The following MARCHF11 variants were observed in gnomAD, a reference collection of about 807,000 sequenced individuals.
MARCHF11 encodes membrane associated ring-CH-type finger 11, also known as E3 ubiquitin-protein ligase MARCHF11.
A neutral mutation model predicts 37.3 loss-of-function variants in MARCHF11; 29 were observed. The ratio of observed to expected loss-of-function variants is 0.78; its 90% confidence interval spans 0.58 to 1.06. MARCHF11 has a LOEUF of 1.06. MARCHF11 is among the 50% of genes least tolerant of loss of function. The probability of loss-of-function intolerance (pLI) is 0.00; values close to 1 mark genes in which losing one functional copy is unlikely to be tolerated. For synonymous variants in MARCHF11, 233 were observed against 228.0 expected, an observed-to-expected ratio of 1.02 and a Z score of -0.20; for missense variants, 482 against 533.4, an observed-to-expected ratio of 0.90 and a Z score of 0.95.
intron 3 of MARCHF11, among the ~76,000 whole-genome samples, chr5:16,082,207 A>C (rs1409768487): frequency 6.6e-6 from 1 of 152,050 alleles, no homozygotes; most frequent in Non-Finnish European, 1.5e-5. Flanking sequence ...CGAGGCAGGG[A>C]CTCCTGTTGG....
At chr5:16,128,838 T>C (rs969407293) in intron 2 of MARCHF11, among the ~76,000 whole-genome samples, 2 of 152,180 alleles carry the variant, frequency 1.3e-5, no homozygotes, top group Non-Finnish European at 2.9e-5. Flanking sequence ...TATTCAAAAA[T>C]TTAGAAGAAA....
chr5:16,112,552 T>C (rs765450229), intron 2 of MARCHF11, among the ~76,000 whole-genome samples: 54 of 152,328 alleles, frequency 3.5e-4, no homozygotes, highest in Admixed American at 7.2e-4. Flanking sequence ...AGTAACTAAC[T>C]AGCTTTTGAT....
At chr5:16,165,163 CT>C (rs1240192692) in intron 2 of MARCHF11, among the ~76,000 whole-genome samples, 1 of 152,060 alleles carries the variant, frequency 6.6e-6, no homozygotes, top group Non-Finnish European at 1.5e-5. Context: ...CATCATCAAC[CT>C]TTAGGTCTAA....
At chr5:16,113,036 C>A (rs902409970) in intron 2 of MARCHF11, among the ~76,000 whole-genome samples, 1 of 152,102 alleles carries the variant, frequency 6.6e-6, no homozygotes, top group Middle Eastern at 3.2e-3. Flanking sequence ...TGAAAACAGA[C>A]TAATACGTAA....
At chr5:16,094,537 A>G (rs1736834993) in intron 2 of MARCHF11, among the ~76,000 whole-genome samples, 1 of 151,884 alleles carries the variant, frequency 6.6e-6, no homozygotes, top group African/African-American at 2.4e-5. Flanking sequence ...GTGTGTGCGC[A>G]TGTGTGTGTG....
intron 2 of MARCHF11, among the ~76,000 whole-genome samples, chr5:16,105,648 C>T (rs997075791): frequency 2.0e-5 from 3 of 152,190 alleles, no homozygotes; most frequent in Non-Finnish European, 4.4e-5. Flanking sequence ...ATCCCCCAGT[C>T]ACCTCAAGCC....
intron 2 of MARCHF11, among the ~76,000 whole-genome samples, chr5:16,115,857 C>T (rs4702124): frequency 0.21 from 32,436 of 151,992 alleles, 3,716 homozygotes; most frequent in South Asian, 0.3. Context: ...AAACTCCTGA[C>T]CTCAGGTGAT....
At chr5:16,104,673 T>C (rs866399622) in intron 2 of MARCHF11, among the ~76,000 whole-genome samples, 3 of 144,958 alleles carry the variant, frequency 2.1e-5, no homozygotes, top group African/African-American at 5.3e-5. Flanking sequence ...AGGAAGGCCA[T>C]TTACCTCAAA....
chr5:16,069,303 A>G (rs1277076469), intron 3 of MARCHF11, among the ~76,000 whole-genome samples: 2 of 152,232 alleles, frequency 1.3e-5, no homozygotes, highest in African/African-American at 4.8e-5. Context: ...TATATATGGT[A>G]GACATATAAA....
At chr5:16,090,776 A>G in intron 3 of MARCHF11, 113 bp downstream of exon 3, 1 of 780,474 alleles carries the variant, frequency 1.3e-6, no homozygotes, top group East Asian at 3.2e-5. Context: ...TTAACAGGAG[A>G]ACTGAGATAA....
In MARCHF11 at chr5:16,067,450, C is replaced by T; in HGVS notation, c.*21G>A. The T allele has an allele frequency of 6.2e-7, 1 of 1,605,674 alleles. No individual in the cohort carries two copies. Among genetic ancestry groups the T allele is most frequent in the Non-Finnish European group, 8.5e-7 (1 of 1,173,536 alleles). Reference sequence around the variant, plus strand: ...TGCAAAATGTGCAGGGTGGTCCACACTGCATCATCTTATGCTTTTGTCACA... The same window carrying T: ...TGCAAAATGTGCAGGGTGGTCCACATTGCATCATCTTATGCTTTTGTCACA... On this transcript the variant is annotated 3_prime_UTR_variant, in exon 4 of 4. Coordinates refer to ENST00000332432, the MANE Select transcript of MARCHF11 (RefSeq NM_001102562.3).
chr5:16,124,824 A>T (rs1737375226), intron 2 of MARCHF11, among the ~76,000 whole-genome samples: 1 of 151,418 alleles, frequency 6.6e-6, no homozygotes, highest in African/African-American at 2.4e-5. Flanking sequence ...AATTTGTATC[A>T]TTAGTTTATA....
chr5:16,074,938 G>T (rs1336416651), intron 3 of MARCHF11, among the ~76,000 whole-genome samples: 1 of 152,180 alleles, frequency 6.6e-6, no homozygotes, highest in Non-Finnish European at 1.5e-5. Context: ...TCTGCTTCAT[G>T]AAGTCTGCAG....
rs751166612 is a variant in MARCHF11 at position 16,067,457 on chromosome 5, A to T, written c.*14T>A. On this transcript the variant is annotated 3_prime_UTR_variant, in exon 4 of 4. Transcript: ENST00000332432. ...TGTGCAGGGTGGTCCACACTGCATC[A>T]TCTTATGCTTTTGTCACACTGAAGT... is the stretch of plus-strand genomic sequence containing the variant. The T allele has an allele frequency of 1.6e-5, 25 of 1,610,000 alleles. No homozygotes were observed. The highest frequency in any genetic ancestry group is 2.0e-5 in the Non-Finnish European group (24 of 1,176,802).
chr5:16,081,732 A>G (rs533233523), intron 3 of MARCHF11, among the ~76,000 whole-genome samples: 7 of 152,174 alleles, frequency 4.6e-5, no homozygotes, highest in Non-Finnish European at 1.0e-4. Flanking sequence ...CAACAATAAC[A>G]TATTTGGTCT....
intron 2 of MARCHF11, among the ~76,000 whole-genome samples, chr5:16,105,599 C>T (rs796651794): frequency 3.9e-5 from 6 of 152,108 alleles, no homozygotes; most frequent in African/African-American, 1.4e-4. Context: ...ACCTGACAGT[C>T]CAGGAAGAGA....
At chr5:16,163,621 G>A (rs1738122647) in intron 2 of MARCHF11, among the ~76,000 whole-genome samples, 1 of 152,022 alleles carries the variant, frequency 6.6e-6, no homozygotes, top group African/African-American at 2.4e-5. Flanking sequence ...AGGATGAAAA[G>A]ATAAATCATG....
chr5:16,173,808 C>A (rs1006736162), intron 2 of MARCHF11, among the ~76,000 whole-genome samples: 1 of 152,114 alleles, frequency 6.6e-6, no homozygotes, highest in African/African-American at 2.4e-5. Context: ...CTGCTATGGG[C>A]CAGGTGTCAT....
chr5:16,073,484 G>C (rs1253936974), intron 3 of MARCHF11, among the ~76,000 whole-genome samples: 1 of 152,010 alleles, frequency 6.6e-6, no homozygotes, highest in African/African-American at 2.4e-5. Flanking sequence ...ATAACCATAA[G>C]TCATGGTTAC....
Sources: allele counts gnomAD v4.1 joint callset (sites outside exome capture counted in the v4.1 genomes callset), GRCh38; gene constraint gnomAD v4.1.1; transcripts MANE v1.5; gene names NCBI Gene and HGNC (gene_info 2026-07-23, HGNC 2026-07-21).